TENM3: variants seen among roughly 807,000 people sequenced by gnomAD.
TENM3 encodes teneurin transmembrane protein 3.
Under a neutral mutation model 255.1 loss-of-function variants are expected in TENM3, and 63 were observed. That is an observed-to-expected ratio of 0.25 (90% CI 0.20 to 0.30). TENM3 has a LOEUF of 0.30. Among genes scored for constraint, TENM3 ranks in the 10% least tolerant of loss-of-function variants. The pLI is 1.00. For missense variants in TENM3, 2,929 were observed against 3,461.1 expected (o/e 0.85, Z 3.86); for synonymous variants, 1,306 against 1,322.3 (o/e 0.99, Z 0.27).
At chr4:182,022,226 A>G in the TENM3 span, among the ~76,000 whole-genome samples, 7 of 152,336 alleles carry the variant, frequency 4.6e-5, no homozygotes, top group African/African-American at 1.4e-4. Flanking sequence ...AGCCACAAAC[A>G]GAATGAAATT....
the TENM3 span, among the ~76,000 whole-genome samples, chr4:181,516,724 C>T: frequency 4.6e-5 from 7 of 151,616 alleles, no homozygotes; most frequent in South Asian, 8.3e-4. Context: ...TGCAGTCAGC[C>T]GAGATTGCAC....
In TENM3 at chr4:182,303,709, C is replaced by T. The variant is rs573138602; in HGVS notation, c.-75-20237C>T. The stretch of plus-strand genomic sequence containing the variant: ...ACAAGTTATTAAAAGAACCAACCTT[C>T]TAAGTTTGTTGTAGAATTTCAATGA... On this transcript the variant is annotated intron_variant, in intron 1 of 27. Transcript: ENST00000511685. 4.6e-5 allele frequency among the ~76,000 whole-genome samples: 7 copies of T among 152,176 alleles called. No individual in the cohort carries two copies. The East Asian group carries it at 1.4e-3, about 29-fold the overall frequency.
intron 3 of TENM3, among the ~76,000 whole-genome samples, chr4:182,397,416 A>AAAAAAAAAT (rs1768913121): frequency 7.1e-6 from 1 of 140,552 alleles, no homozygotes; most frequent in East Asian, 2.3e-4. Context: ...AAAAAAAAAA[A>AAAAAAAAAT]AAAAAAAAAA....
intron 6 of TENM3, among the ~76,000 whole-genome samples, chr4:182,668,669 G>A (rs139426866): frequency 8.0e-4 from 121 of 152,170 alleles, no homozygotes; most frequent in African/African-American, 2.7e-3. Flanking sequence ...GATATACTTC[G>A]CGACACAACG....
At chr4:182,020,404 G>T in the TENM3 span, among the ~76,000 whole-genome samples, 42,967 of 151,850 alleles carry the variant, frequency 0.28, 6,621 homozygotes, top group Admixed American at 0.36. Flanking sequence ...AGTAATCTGG[G>T]GGAAAGGGGG....
chr4:182,393,710 T>C (rs1435696204), intron 3 of TENM3, among the ~76,000 whole-genome samples: 3 of 152,202 alleles, frequency 2.0e-5, no homozygotes, highest in East Asian at 1.9e-4. Flanking sequence ...TATCCTGTTA[T>C]GGATTTTTTT....
chr4:181,933,440 C>T, the TENM3 span, among the ~76,000 whole-genome samples: 7 of 152,112 alleles, frequency 4.6e-5, no homozygotes, highest in East Asian at 1.9e-4. Context: ...CTCACAACCA[C>T]GAACTGTTAA....
chr4:181,958,352 G>A, the TENM3 span, among the ~76,000 whole-genome samples: 1 of 152,054 alleles, frequency 6.6e-6, no homozygotes, highest in Non-Finnish European at 1.5e-5. Flanking sequence ...TGCTTTTTTG[G>A]ACTCTATTAT....
chr4:182,622,308 C>T (rs1483877941), intron 4 of TENM3, among the ~76,000 whole-genome samples: 1 of 152,148 alleles, frequency 6.6e-6, no homozygotes, highest in Non-Finnish European at 1.5e-5. Context: ...GATCACACCA[C>T]TTCACTCCAG....
chr4:181,919,090 C>T, the TENM3 span, among the ~76,000 whole-genome samples: 2 of 152,088 alleles, frequency 1.3e-5, no homozygotes, highest in African/African-American at 2.4e-5. Context: ...TGACCCAGTG[C>T]GAGAGGATAA....
At chr4:182,557,967 A>T (rs1742741404) in intron 3 of TENM3, among the ~76,000 whole-genome samples, 1 of 152,096 alleles carries the variant, frequency 6.6e-6, no homozygotes, top group South Asian at 2.1e-4. Flanking sequence ...GCTTGATCTG[A>T]TTGATTCCGT....
chr4:182,738,523 C>T lies in TENM3; in HGVS notation c.3358C>T (p.His1120Tyr). 6.2e-7 allele frequency: 1 copy of T among 1,612,812 alleles called. No homozygotes were observed. The highest frequency in any genetic ancestry group is 8.5e-7 in the Non-Finnish European group (1 of 1,179,364). ...GGGTGGCTGGACATTAGATAAACAT[C>T]ACGTGCTGGATGTACAGAACGGTAA... ...NMGGWTLDKH[H>Y]VLDVQNGILY... The change falls in exon 18 of 28, where the codon CAC becomes TAC. Residue 1120 changes from histidine to tyrosine, a missense_variant. Physicochemically the swap from His to Tyr is moderately conservative, Grantham distance 83 (BLOSUM62 2). Transcript: ENST00000511685.
chr4:182,561,632 G>C (rs1283231212), intron 3 of TENM3, among the ~76,000 whole-genome samples: 1 of 151,966 alleles, frequency 6.6e-6, no homozygotes, highest in Non-Finnish European at 1.5e-5. Context: ...CTTTTTGTCA[G>C]TACCTGCCAG....
At chr4:182,435,345 T>A (rs1771967932) in intron 3 of TENM3, among the ~76,000 whole-genome samples, 1 of 152,218 alleles carries the variant, frequency 6.6e-6, no homozygotes, top group African/African-American at 2.4e-5. Context: ...GCAGGTGAAT[T>A]TTTTTTCTTC....
At chr4:181,560,141 T>C in the TENM3 span, among the ~76,000 whole-genome samples, 5 of 152,224 alleles carry the variant, frequency 3.3e-5, no homozygotes, top group African/African-American at 1.2e-4. Context: ...GTTCAAGGTT[T>C]AGGCACTAGC....
the TENM3 span, among the ~76,000 whole-genome samples, chr4:181,534,327 G>C: frequency 6.6e-6 from 1 of 151,918 alleles, no homozygotes; most frequent in African/African-American, 2.4e-5. Flanking sequence ...AGGAGAGTTT[G>C]ACTTGTCCAA....
At chr4:182,086,450 A>G in the TENM3 span, among the ~76,000 whole-genome samples, 1 of 152,254 alleles carries the variant, frequency 6.6e-6, no homozygotes. Context: ...TGCCACGTGT[A>G]TCTGCTCTCA....
chr4:182,647,297 G>A (rs1351061915), intron 5 of TENM3, among the ~76,000 whole-genome samples: 1 of 152,162 alleles, frequency 6.6e-6, no homozygotes, highest in African/African-American at 2.4e-5. Context: ...AGTAGGATTA[G>A]CATTGTTGTG....
At chr4:182,151,408 C>A (rs1406971890) in intron 1 of TENM3, among the ~76,000 whole-genome samples, 1 of 152,046 alleles carries the variant, frequency 6.6e-6, no homozygotes, top group African/African-American at 2.4e-5. Flanking sequence ...AGAGTAACAT[C>A]TATTCTAATA....
Sources: gnomAD v4.1 joint callset for allele counts (sites outside exome capture counted in the v4.1 genomes callset) on GRCh38, gnomAD v4.1.1 for gene constraint, MANE v1.5 for transcripts, NCBI Gene and HGNC (gene_info 2026-07-23, HGNC 2026-07-21) for gene names.